CLIP4: variants seen among roughly 807,000 people sequenced by gnomAD.
CLIP4 encodes CAP-Gly domain containing linker protein family member 4.
CLIP4 carries 47 observed loss-of-function variants against 73.1 expected under a neutral mutation model. That is an observed-to-expected ratio of 0.64 (90% CI 0.51 to 0.82). The LOEUF is 0.82. Ranked by LOEUF, CLIP4 falls within the 40% of genes least tolerant of loss-of-function variation. CLIP4 has a pLI of 0.00. For synonymous variants in CLIP4, 306 were observed against 295.4 expected (o/e 1.04, Z -0.37); for missense variants, 874 against 852.9 (o/e 1.02, Z -0.31).
At chr2:29,140,988 T>G (rs923739780) in intron 6 of CLIP4, among the ~76,000 whole-genome samples, 11 of 152,194 alleles carry the variant, frequency 7.2e-5, no homozygotes, top group Non-Finnish European at 1.3e-4. Flanking sequence ...CTCTTAACAC[T>G]GCTTTTGCTA....
At chr2:29,120,204 A>G (rs894892001) in intron 1 of CLIP4, among the ~76,000 whole-genome samples, 7 of 152,292 alleles carry the variant, frequency 4.6e-5, no homozygotes, top group East Asian at 1.9e-4. Context: ...AATAGTAACA[A>G]CTGGATTAGG....
intron 11 of CLIP4, among the ~76,000 whole-genome samples, chr2:29,160,025 G>A (rs560839458): frequency 5.3e-5 from 8 of 152,362 alleles, no homozygotes; most frequent in African/African-American, 1.7e-4. Context: ...TGTTCTAGTA[G>A]AGATGCTGCA....
At chr2:29,167,989 G>T (rs1259146045) in intron 14 of CLIP4, 1 of 152,206 alleles carries the variant, frequency 6.6e-6, no homozygotes, top group Non-Finnish European at 1.5e-5. Context: ...CTATGTTCTT[G>T]TGCACACTTG....
At chr2:29,177,326 T>C (rs904205962) in intron 15 of CLIP4, among the ~76,000 whole-genome samples, 1 of 151,854 alleles carries the variant, frequency 6.6e-6, no homozygotes, top group African/African-American at 2.4e-5. Flanking sequence ...GGGGAATCAC[T>C]TGAACCTGGG....
chr2:29,103,298 T>C (rs1450042355), intron 1 of CLIP4, among the ~76,000 whole-genome samples: 2 of 151,984 alleles, frequency 1.3e-5, no homozygotes, highest in African/African-American at 4.8e-5. Flanking sequence ...CAACCTATAT[T>C]TTACCTGTCA....
intron 1 of CLIP4, among the ~76,000 whole-genome samples, chr2:29,107,368 T>TGTTTTTTTTGTTTTTTTTGTTTTTTTTG (rs1668248037): frequency 2.6e-5 from 2 of 76,582 alleles, no homozygotes; most frequent in African/African-American, 5.5e-5. Flanking sequence ...GTTTTTTTTT[T>TGTTTTTTTTGTTTTTTTTGTTTTTTTTG]TTTTTTTTTT....
At chr2:29,145,504 T>C (rs1190520057) in intron 8 of CLIP4, 137 bp downstream of exon 8, 1 of 653,954 alleles carries the variant, frequency 1.5e-6, no homozygotes, top group Non-Finnish European at 2.5e-6. Context: ...GGGAGGACTT[T>C]TTAAAGATAG....
chr2:29,181,187 T>C (rs958830808), intron 15 of CLIP4, among the ~76,000 whole-genome samples: 3 of 152,136 alleles, frequency 2.0e-5, no homozygotes, highest in African/African-American at 7.2e-5. Flanking sequence ...GAGAAAAAAA[T>C]GTTAAAGTCA....
At chr2:29,175,992 ACAT>A (rs1481805795) in intron 15 of CLIP4, among the ~76,000 whole-genome samples, 5 of 152,210 alleles carry the variant, frequency 3.3e-5, no homozygotes, top group Admixed American at 6.5e-5. Flanking sequence ...CGATCTCCTG[ACAT>A]CATGATCTGC....
intron 2 of CLIP4, among the ~76,000 whole-genome samples, chr2:29,127,720 A>G (rs1244402791): frequency 6.6e-6 from 1 of 152,154 alleles, no homozygotes; most frequent in Admixed American, 6.5e-5. Flanking sequence ...AGAAACCTGC[A>G]CTTGTCAGAG....
At chr2:29,170,791 T>G (rs1184007958) in intron 14 of CLIP4, among the ~76,000 whole-genome samples, 1 of 152,162 alleles carries the variant, frequency 6.6e-6, no homozygotes, top group Non-Finnish European at 1.5e-5. Context: ...TGAGGGTCTG[T>G]GTCTAGATTT....
intron 1 of CLIP4, among the ~76,000 whole-genome samples, chr2:29,116,466 C>T (rs1372996431): frequency 6.6e-6 from 1 of 152,224 alleles, no homozygotes; most frequent in African/African-American, 2.4e-5. Context: ...TCAGTAAACA[C>T]CTTCCTCAGG....
chr2:29,143,539 G>A (rs1288057050), intron 6 of CLIP4, among the ~76,000 whole-genome samples, 170 bp from the exon 7 acceptor site: 1 of 151,920 alleles, frequency 6.6e-6, no homozygotes. Flanking sequence ...TTTCACTGTA[G>A]GATCTTTAGC....
chr2:29,140,876 T>G (rs998365855), intron 6 of CLIP4, among the ~76,000 whole-genome samples: 10 of 152,228 alleles, frequency 6.6e-5, no homozygotes, highest in African/African-American at 1.9e-4. Flanking sequence ...CATAAATGTC[T>G]TCTTTTGAGG....
At chr2:29,156,469 C>G in intron 10 of CLIP4, 26 bp downstream of exon 10, 3 of 1,471,806 alleles carry the variant, frequency 2.0e-6, no homozygotes, top group Non-Finnish European at 1.8e-6. Flanking sequence ...ACCTCTGTTT[C>G]TCAAAATTTA....
chr2:29,157,042 A>C (rs1314760496), intron 10 of CLIP4, among the ~76,000 whole-genome samples, 162 bp from the exon 11 acceptor site: 1 of 152,182 alleles, frequency 6.6e-6, no homozygotes, highest in Non-Finnish European at 1.5e-5. Flanking sequence ...TTATATATAA[A>C]CTACAATTGC....
chr2:29,168,245 C>G (rs1363027360), intron 14 of CLIP4, among the ~76,000 whole-genome samples: 1 of 152,070 alleles, frequency 6.6e-6, no homozygotes, highest in African/African-American at 2.4e-5. Flanking sequence ...TGTTTTCATG[C>G]TTATGGGCCA....
chr2:29,139,486 C>T (rs189648559), intron 6 of CLIP4, among the ~76,000 whole-genome samples: 9 of 152,208 alleles, frequency 5.9e-5, no homozygotes, highest in African/African-American at 2.2e-4. Context: ...CAAGATGATA[C>T]TGCTTTCATA....
intron 14 of CLIP4, among the ~76,000 whole-genome samples, chr2:29,168,073 G>A (rs1667745036): frequency 6.6e-6 from 1 of 152,150 alleles, no homozygotes; most frequent in South Asian, 2.1e-4. Context: ...CTGTCTGTCT[G>A]TATTGCATAC....
Sources: allele counts gnomAD v4.1 joint callset (sites outside exome capture counted in the v4.1 genomes callset), GRCh38; gene constraint gnomAD v4.1.1; transcripts MANE v1.5; gene names NCBI Gene and HGNC (gene_info 2026-07-23, HGNC 2026-07-21).